The following ZNF347 variants were observed in gnomAD, a reference collection of about 807,000 sequenced individuals.
ZNF347 encodes the protein zinc finger protein 347, also known as CTD-2620I22.7.
ZNF347 carries 19 observed loss-of-function variants against 12.9 expected under a neutral mutation model. The observed-to-expected ratio is 1.47, with a 90% confidence interval of 1.03 to 2.16. The LOEUF (loss-of-function observed/expected upper bound fraction) is 2.16. Ranked by LOEUF, ZNF347 falls within the 30% of genes most tolerant of loss-of-function variation. The probability of loss-of-function intolerance (pLI) is 0.00; values close to 1 mark genes in which losing one functional copy is unlikely to be tolerated. For synonymous variants in ZNF347, 328 were observed against 340.6 expected (o/e 0.96, Z 0.41); for missense variants, 1,005 against 990.6 (o/e 1.01, Z -0.19).
At chr19:53,158,370 C>T (rs750384019) in intron 1 of ZNF347, among the ~76,000 whole-genome samples, 1 of 152,190 alleles carries the variant, frequency 6.6e-6, no homozygotes, top group African/African-American at 2.4e-5. Context: ...GAGCTGCGCT[C>T]CAGGGGCCGA....
Position 53,136,783 on chromosome 19 carries a change from T to C in ZNF347, c.*3525A>G, listed in dbSNP as rs1025496735. ...CAATTTAAACAGCATTTCACAAATA[T>C]TTTCAAGAATGACGTTGTGTAATGG... On this transcript the variant is annotated 3_prime_UTR_variant, in exon 5 of 5. Coordinates refer to ENST00000334197, the MANE Select transcript of ZNF347 (RefSeq NM_032584.3). The C allele has an allele frequency of 6.6e-6, 1 of 152,238 alleles. No homozygotes were observed. The highest frequency in any genetic ancestry group is 6.5e-5 in the Admixed American group (1 of 15,284). The allele number at this position is 152,238 out of a possible 1,614,324, so 9.4% of individuals were successfully genotyped here.
rs545137321 is a variant in ZNF347 at position 53,151,325 on chromosome 19, G to A, written c.16-1958C>T. The stretch of plus-strand genomic sequence containing the variant: ...TCGAGGCAGGCAGATCACGAGGTCA[G>A]GAGATCAAGACCATCCTGGCTAACA... On this transcript the variant is annotated intron_variant, in intron 2 of 4. Coordinates refer to ENST00000334197, the MANE Select transcript of ZNF347 (RefSeq NM_032584.3). 2.6e-5 allele frequency among the ~76,000 whole-genome samples: 4 copies of A among 151,916 alleles called. No homozygotes were observed. In the East Asian group the frequency reaches 7.7e-4, roughly 29 times the overall value.
At position 53,140,333 on chromosome 19, in the gene ZNF347, G is replaced by A; in HGVS notation, c.2495C>T (p.Pro832Leu). ...VWKVLKSEFKPCKPSQNS is the reference protein window; with the variant it reads ...VWKVLKSEFKLCKPSQNS ...CTATGAATTCTGTGATGGCTTGCAA[G>A]GTTTGAACTCTGACTTTAGAACTTT... Residue 832 changes from proline (P) to leucine (L), a missense_variant, in exon 5 of 5, where the codon CCT becomes CTT. Physicochemically the swap from Pro to Leu is moderately conservative, Grantham distance 98. Coordinates refer to ENST00000334197, the MANE Select transcript of ZNF347 (RefSeq NM_032584.3). The A allele has an allele frequency of 3.8e-6, 6 of 1,565,094 alleles. No individual in the cohort carries two copies. The highest frequency in any genetic ancestry group is 1.2e-5 in the South Asian group (1 of 81,760).
rs1425020873 is a variant in ZNF347 at position 53,139,842 on chromosome 19, T to C, written c.*466A>G. ...ACATTTATGTGATTTCTCATTATTATGGACTCTTGGATGTCTATTAATACT... is the reference window on the plus strand; with the variant it reads ...ACATTTATGTGATTTCTCATTATTACGGACTCTTGGATGTCTATTAATACT... On this transcript the variant is annotated 3_prime_UTR_variant, in exon 5 of 5. Transcript: ENST00000334197. The C allele has an allele frequency of 1.9e-5, 3 of 158,248 alleles. No homozygotes were observed. The highest frequency in any genetic ancestry group is 2.8e-5 in the Non-Finnish European group (2 of 71,386). 9.8% of individuals were successfully genotyped at this position (158,248 alleles called of 1,614,324 possible).
intron 4 of ZNF347, among the ~76,000 whole-genome samples, chr19:53,144,794 T>C (rs1404869204): frequency 1.3e-5 from 2 of 152,096 alleles, no homozygotes; most frequent in Non-Finnish European, 1.5e-5. Context: ...TTCCATGCCC[T>C]AACAGACGTT....
chr19:53,150,319 C>T (rs1013717460), intron 2 of ZNF347, among the ~76,000 whole-genome samples: 7 of 152,106 alleles, frequency 4.6e-5, no homozygotes, highest in African/African-American at 7.2e-5. Flanking sequence ...ATGTGTTTTC[C>T]GTTGTGAGAG....
Position 53,141,440 on chromosome 19 carries a change from C to A in ZNF347, c.1388G>T (p.Gly463Val), listed in dbSNP as rs1025690156. Residue 463 changes from glycine to valine, a missense_variant, in exon 5 of 5, where the codon GGC becomes GTC. Coordinates refer to ENST00000334197, the MANE Select transcript of ZNF347 (RefSeq NM_032584.3). Reference sequence around the variant, plus strand: ...GTGTGAATTACGCCTAAAGACCTTGCCGCATTCATGACATTTGTAAGGCTT... The same window carrying A: ...GTGTGAATTACGCCTAAAGACCTTGACGCATTCATGACATTTGTAAGGCTT... ...GEKPYKCHEC[G>V]KVFRRNSHLA... The A allele has an allele frequency of 6.2e-6, 10 of 1,613,718 alleles. No individual in the cohort carries two copies. Among genetic ancestry groups the A allele is most frequent in the Non-Finnish European group, 8.5e-6 (10 of 1,179,930 alleles).
intron 2 of ZNF347, among the ~76,000 whole-genome samples, chr19:53,150,279 T>C (rs1361403797): frequency 6.6e-6 from 1 of 152,196 alleles, no homozygotes; most frequent in Admixed American, 6.5e-5. Context: ...TTGGTGTGTG[T>C]GGGAAAACCC....
Position 53,137,295 on chromosome 19 carries a change from C to T in ZNF347, c.*3013G>A, listed in dbSNP as rs528650791. 4.6e-5 allele frequency: 7 copies of T among 152,270 alleles called. No homozygotes were observed. In the South Asian group the frequency reaches 1.4e-3, roughly 32 times the overall value. The allele number at this position is 152,270 out of a possible 1,614,324, so 9.4% of individuals were successfully genotyped here. A position where few individuals can be genotyped will look rare whatever the true frequency, so the allele number is the denominator to read the frequency against. ...ATACCACCATTTATACCTCTGCACT[C>T]CCTCTTCTTATTCTGCCCATCTGGC... On this transcript the variant is annotated 3_prime_UTR_variant, in exon 5 of 5. Transcript: ENST00000334197.
intron 1 of ZNF347, among the ~76,000 whole-genome samples, chr19:53,156,144 G>C (rs1033684636): frequency 6.6e-6 from 1 of 150,942 alleles, no homozygotes; most frequent in Non-Finnish European, 1.5e-5. Context: ...CATGCCTGTA[G>C]TCCCAGCACT....
At chr19:53,155,490 A>G (rs915243129) in intron 1 of ZNF347, among the ~76,000 whole-genome samples, 2 of 151,388 alleles carry the variant, frequency 1.3e-5, no homozygotes, top group East Asian at 3.9e-4. Flanking sequence ...AAGCCACCAC[A>G]TCCAGCTTAT....
intron 2 of ZNF347, among the ~76,000 whole-genome samples, chr19:53,150,741 C>T (rs73583164): frequency 0.012 from 1,834 of 152,184 alleles, 32 homozygotes; most frequent in African/African-American, 0.041. Flanking sequence ...TATTTATTTA[C>T]TTACTTACTT....
rs1428671964 is a variant in ZNF347 at position 53,141,370 on chromosome 19, C to T, written c.1458G>A (p.Lys486=). 1 of 1,613,360 alleles carries T rather than the reference C, an allele frequency of 6.2e-7. No homozygotes were observed. The highest frequency in any genetic ancestry group is 8.5e-7 in the Non-Finnish European group (1 of 1,179,754). The change falls in exon 5 of 5, where the codon AAG becomes AAA. Residue 486 remains lysine, a synonymous_variant. Coordinates refer to ENST00000334197, the MANE Select transcript of ZNF347 (RefSeq NM_032584.3). ...QLIHTGEKPY[K]CNECGKAFRA... ...TAAAGGCTTTGCCACACTCATTACACTTATAAGGTTTCTCTCCAGTATGAA... is the reference window on the plus strand; with the variant it reads ...TAAAGGCTTTGCCACACTCATTACATTTATAAGGTTTCTCTCCAGTATGAA...
chr19:53,148,467 A>G (rs1341216136), intron 4 of ZNF347, among the ~76,000 whole-genome samples: 1 of 152,182 alleles, frequency 6.6e-6, no homozygotes, highest in African/African-American at 2.4e-5. Context: ...CCATCATGAT[A>G]AAGACTTTGC....
rs775218779 is a variant in ZNF347, at chr19:53,142,506, T to A, written c.322A>T (p.Asn108Tyr). ...ACTGTTTGGAATACTTCTCCTGTATTACTCTTCCCTTTGTGTAGTAAATCT... is the reference window on the plus strand; with the variant it reads ...ACTGTTTGGAATACTTCTCCTGTATAACTCTTCCCTTTGTGTAGTAAATCT... The part of the protein sequence containing the change: ...MKDLLHKGKS[N>Y]TGEVFQTVML... Residue 108 changes from asparagine (N) to tyrosine (Y), a missense_variant, in exon 5 of 5, where the codon AAT becomes TAT. Transcript: ENST00000334197. 6.2e-6 allele frequency: 10 copies of A among 1,611,582 alleles called. No homozygotes were observed. Among genetic ancestry groups the A allele is most frequent in the South Asian group, 4.4e-5 (4 of 90,584 alleles).
chr19:53,136,658 C>T lies in ZNF347; in HGVS notation c.*3650G>A, dbSNP rs2090389526. On this transcript the variant is annotated 3_prime_UTR_variant, in exon 5 of 5. Coordinates refer to ENST00000334197, the MANE Select transcript of ZNF347 (RefSeq NM_032584.3). ...GAACAAGACATGAATATAACACAGC[C>T]TTTGGAAAAATGCCCTTTGGCTAAA... The T allele has an allele frequency of 6.6e-6, 1 of 152,138 alleles. No homozygotes were observed. The highest frequency in any genetic ancestry group is 1.5e-5 in the Non-Finnish European group (1 of 68,034). 9.4% of individuals were successfully genotyped at this position (152,138 alleles called of 1,614,324 possible). A position where few individuals can be genotyped will look rare whatever the true frequency, so the allele number is the denominator to read the frequency against.
intron 1 of ZNF347, among the ~76,000 whole-genome samples, chr19:53,156,047 G>GC (rs2090532175): frequency 9.2e-6 from 1 of 108,536 alleles, no homozygotes; most frequent in African/African-American, 3.3e-5. Flanking sequence ...TCCCAGCTCG[G>GC]GGGGGGGGGG....
At chr19:53,146,707 T>C (rs76810678) in intron 4 of ZNF347, among the ~76,000 whole-genome samples, 21 of 152,086 alleles carry the variant, frequency 1.4e-4, no homozygotes, top group East Asian at 3.9e-4. Flanking sequence ...ACTGATACCA[T>C]AGATACACAA....
At chr19:53,154,063 C>A (rs750012735) in intron 1 of ZNF347, among the ~76,000 whole-genome samples, 2 of 152,130 alleles carry the variant, frequency 1.3e-5, no homozygotes, top group Non-Finnish European at 2.9e-5. Flanking sequence ...CACGCTGCAG[C>A]AATTGGGAGC....
Sources: allele counts gnomAD v4.1 joint callset (sites outside exome capture counted in the v4.1 genomes callset), GRCh38; gene constraint gnomAD v4.1.1; transcripts MANE v1.5; gene names NCBI Gene and HGNC (gene_info 2026-07-23, HGNC 2026-07-21).